Variants in TENM2 observed in about 807,000 individuals in gnomAD.
TENM2 encodes the protein teneurin-2.
A neutral mutation model predicts 245.2 loss-of-function variants in TENM2; 52 were observed. The ratio of observed to expected loss-of-function variants is 0.21; its 90% confidence interval spans 0.17 to 0.27. The LOEUF (loss-of-function observed/expected upper bound fraction) is 0.27. Ranked by LOEUF, TENM2 falls within the 10% of genes least tolerant of loss-of-function variation. The probability of loss-of-function intolerance (pLI) is 1.00; values close to 1 mark genes in which losing one functional copy is unlikely to be tolerated. For missense variants in TENM2, 3,046 were observed against 3,666.8 expected (o/e 0.83, Z 4.37); for synonymous variants, 1,363 against 1,438.9 (o/e 0.95, Z 1.19).
chr5:167,993,321 G>A, intron 5 of TENM2, 139 bp downstream of exon 7: 1 of 656,084 alleles, frequency 1.5e-6, no homozygotes, highest in Admixed American at 2.9e-5. Flanking sequence ...ATGAGTGATG[G>A]ATGGAGGTGA....
At chr5:167,192,994 T>C in the TENM2 span, among the ~76,000 whole-genome samples, 1 of 152,108 alleles carries the variant, frequency 6.6e-6, no homozygotes, top group East Asian at 1.9e-4. Flanking sequence ...GGCGAGAGTT[T>C]AGTATGAATA....
At chr5:167,351,175 CATATGGGATATATAT>C (rs1376128308) in intron 1 of TENM2, among the ~76,000 whole-genome samples, 2 of 146,690 alleles carry the variant, frequency 1.4e-5, no homozygotes, top group African/African-American at 5.0e-5. Flanking sequence ...GGGATATATA[CATATGGGATATATAT>C]GGATATATAT....
the TENM2 span, among the ~76,000 whole-genome samples, chr5:167,202,737 G>A: frequency 3.7e-4 from 56 of 152,136 alleles, no homozygotes; most frequent in African/African-American, 1.2e-3. Flanking sequence ...AAACTATAAC[G>A]TGCACTCTGA....
chr5:168,186,089 A>G (rs1436546929), intron 13 of TENM2: 1 of 151,808 alleles, frequency 6.6e-6, no homozygotes, highest in African/African-American at 2.4e-5. Context: ...CAAGGAAACT[A>G]CAACCCAGCA....
Position 167,321,789 on chromosome 5 carries a change from T to A in TENM2, c.226+36726T>A, listed in dbSNP as rs999847788. 2.7e-4 allele frequency among the ~76,000 whole-genome samples: 10 copies of A among 36,576 alleles called. 1 individual carries two copies. The East Asian group carries it at 3.3e-3, about 12-fold the overall frequency. The allele number at this position is 36,576 out of a possible 152,430, so 24.0% of individuals were successfully genotyped here. ...GTTGTCTTGCTGCCTTGGCTTATTT[T>A]TTTTTTTTTTTTGGGGGGGGGGGCG... On this transcript the variant is annotated intron_variant, in intron 1 of 28. Coordinates refer to ENST00000518659, the Ensembl canonical transcript of TENM2.
At chr5:167,050,669 G>A in the TENM2 span, among the ~76,000 whole-genome samples, 23 of 152,116 alleles carry the variant, frequency 1.5e-4, no homozygotes, top group African/African-American at 5.3e-4. Flanking sequence ...GAGAGGGGGC[G>A]CTGCTCAGAA....
At chr5:167,648,024 A>G (rs960823491) in intron 2 of TENM2, among the ~76,000 whole-genome samples, 1 of 152,240 alleles carries the variant, frequency 6.6e-6, no homozygotes, top group African/African-American at 2.4e-5. Context: ...AGGACTTGCT[A>G]CGATGTATCC....
At chr5:168,079,747 T>C (rs944337702) in intron 7 of TENM2, among the ~76,000 whole-genome samples, 5 of 152,278 alleles carry the variant, frequency 3.3e-5, no homozygotes, top group Non-Finnish European at 7.3e-5. Context: ...GATTTGCATA[T>C]GTTGAACCAG....
At chr5:168,238,213 G>GAA (rs1491309340) in intron 25 of TENM2, among the ~76,000 whole-genome samples, 3,630 of 40,734 alleles carry the variant, frequency 0.089, 1,032 homozygotes, top group East Asian at 0.36. Flanking sequence ...GAGGGAGGGA[G>GAA]GGAGAGAGAA....
At chr5:167,807,181 C>T (rs540759567) in intron 2 of TENM2, among the ~76,000 whole-genome samples, 5 of 125,240 alleles carry the variant, frequency 4.0e-5, no homozygotes, top group East Asian at 3.2e-4. Context: ...TTTTGTCAGT[C>T]GGGATATTCC....
At chr5:167,014,495 G>A in the TENM2 span, among the ~76,000 whole-genome samples, 1 of 152,088 alleles carries the variant, frequency 6.6e-6, no homozygotes, top group Admixed American at 6.5e-5. Context: ...AAAGATGATC[G>A]TGTTGGCAGG....
chr5:167,263,301 T>C, the TENM2 span, among the ~76,000 whole-genome samples: 16 of 152,312 alleles, frequency 1.1e-4, no homozygotes, highest in South Asian at 6.2e-4. Flanking sequence ...TTAATCTCAT[T>C]TCACGGAGGA....
At chr5:167,098,843 A>G in the TENM2 span, among the ~76,000 whole-genome samples, 2 of 152,196 alleles carry the variant, frequency 1.3e-5, no homozygotes, top group East Asian at 1.9e-4. Flanking sequence ...TCGTGCATCA[A>G]CTAGTGATGT....
intron 2 of TENM2, among the ~76,000 whole-genome samples, chr5:167,743,046 C>G (rs1761302789): frequency 6.6e-6 from 1 of 152,044 alleles, no homozygotes; most frequent in Non-Finnish European, 1.5e-5. Context: ...GCCGCCATAT[C>G]GATAATCCAA....
At chr5:167,965,071 G>A (rs1781291414) in intron 4 of TENM2, 1 of 152,172 alleles carries the variant, frequency 6.6e-6, no homozygotes, top group African/African-American at 2.4e-5. Context: ...CCTTTGATTA[G>A]GGAGTGGTGC....
intron 6 of TENM2, among the ~76,000 whole-genome samples, chr5:168,052,413 C>A (rs1240789465): frequency 6.6e-6 from 1 of 151,794 alleles, no homozygotes; most frequent in Non-Finnish European, 1.5e-5. Context: ...CACCCACACA[C>A]ACACACATAT....
At chr5:167,449,742 A>G (rs557107952) in intron 2 of TENM2, among the ~76,000 whole-genome samples, 35 of 152,190 alleles carry the variant, frequency 2.3e-4, no homozygotes, top group African/African-American at 7.5e-4. Flanking sequence ...TGGATCACCT[A>G]AGGCCAGGAG....
At chr5:167,910,199 C>T (rs1561924046) in intron 3 of TENM2, among the ~76,000 whole-genome samples, 1 of 152,154 alleles carries the variant, frequency 6.6e-6, no homozygotes, top group Non-Finnish European at 1.5e-5. Flanking sequence ...CCAGGGCAGA[C>T]ATCACTAATC....
intron 2 of TENM2, among the ~76,000 whole-genome samples, chr5:167,812,095 A>G (rs534602503): frequency 1.0e-3 from 156 of 152,308 alleles, no homozygotes; most frequent in African/African-American, 3.6e-3. Flanking sequence ...AGGGAGTGGA[A>G]GATAAAACCT....
Sources: gnomAD v4.1 joint callset for allele counts (sites outside exome capture counted in the v4.1 genomes callset) on GRCh38, gnomAD v4.1.1 for gene constraint, MANE v1.5 for transcripts, NCBI Gene and HGNC (gene_info 2026-07-23, HGNC 2026-07-21) for gene names.